GSAP: variants seen among roughly 807,000 people sequenced by gnomAD.
GSAP encodes the protein gamma-secretase activating protein.
In GSAP, 118 loss-of-function variants were observed where a neutral mutation model predicts 131.7. The observed-to-expected ratio is 0.90, with a 90% CI of 0.77 to 1.04. The LOEUF (loss-of-function observed/expected upper bound fraction) is 1.04, where lower values mean the gene tolerates loss of function less well. GSAP is among the 50% of genes least tolerant of loss of function. GSAP has a pLI of 0.00. For missense variants in GSAP, 1,019 were observed against 1,013.2 expected (o/e 1.01, Z -0.08); for synonymous variants, 381 against 363.4 (o/e 1.05, Z -0.55).
intron 8 of GSAP, 61 bp from the exon 9 acceptor site, chr7:77,377,451 T>G (rs552497015): frequency 6.9e-7 from 1 of 1,451,212 alleles, no homozygotes; most frequent in Non-Finnish European, 9.1e-7. Context: ...GGAGAACATA[T>G]CTGGAATTCA....
intron 2 of GSAP, among the ~76,000 whole-genome samples, chr7:77,405,363 A>T (rs1419546765): frequency 6.6e-6 from 1 of 152,248 alleles, no homozygotes; most frequent in Non-Finnish European, 1.5e-5. Context: ...GAGAGTAATC[A>T]TATTTAATAT....
chr7:77,346,389 A>G (rs1169793741), intron 19 of GSAP, among the ~76,000 whole-genome samples: 1 of 151,830 alleles, frequency 6.6e-6, no homozygotes, highest in African/African-American at 2.4e-5. Flanking sequence ...AAAAAACAGA[A>G]GAACAATTGA....
At chr7:77,382,443 C>A in intron 7 of GSAP, 131 bp downstream of exon 7, 1 of 577,074 alleles carries the variant, frequency 1.7e-6, no homozygotes, top group Admixed American at 2.6e-5. Context: ...TTCCAGGTCT[C>A]ATATGGACAT....
At chr7:77,414,550 A>G (rs1218987359) in intron 1 of GSAP, among the ~76,000 whole-genome samples, 1 of 152,216 alleles carries the variant, frequency 6.6e-6, no homozygotes, top group Non-Finnish European at 1.5e-5. Flanking sequence ...ACCTAGAGCT[A>G]TCTGTTGTTT....
At chr7:77,394,066 G>A (rs1204842845) in intron 5 of GSAP, among the ~76,000 whole-genome samples, 1 of 152,314 alleles carries the variant, frequency 6.6e-6, no homozygotes, top group South Asian at 2.1e-4. Context: ...CCATTAGACT[G>A]TAATAATTCT....
intron 24 of GSAP, among the ~76,000 whole-genome samples, chr7:77,323,335 T>TGTAG (rs1364717101): frequency 1.3e-5 from 2 of 152,240 alleles, no homozygotes; most frequent in African/African-American, 4.8e-5. Context: ...ATCATCTACA[T>TGTAG]GGAGCTGGAA....
Position 77,375,075 on chromosome 7 carries a change from T to TA in GSAP, c.767dup (p.Leu256PhefsTer7). Reference sequence around the variant, plus strand: ...TAACTTACTTAAATCCTGAGTTGCTTAATGATATGTCCAAGGGTACTTCAA... The same window carrying TA: ...TAACTTACTTAAATCCTGAGTTGCTTAAATGATATGTCCAAGGGTACTTCAA... On this transcript the variant is annotated frameshift_variant, in exon 11 of 31. Coordinates refer to ENST00000257626, the MANE Select transcript of GSAP (RefSeq NM_017439.4). LOFTEE classifies it high-confidence loss of function. 6.4e-7 allele frequency: 1 copy of TA among 1,552,426 alleles called. No homozygotes were observed. Among genetic ancestry groups the TA allele is most frequent in the East Asian group, 2.3e-5 (1 of 44,052 alleles).
chr7:77,335,660 C>G (rs1190566423), intron 19 of GSAP, among the ~76,000 whole-genome samples: 1 of 152,076 alleles, frequency 6.6e-6, no homozygotes, highest in East Asian at 1.9e-4. Context: ...CTCTGTGGTA[C>G]TGGCTCATCT....
At chr7:77,321,251 G>C in intron 25 of GSAP, 82 bp downstream of exon 25, 1 of 830,470 alleles carries the variant, frequency 1.2e-6, no homozygotes, top group Non-Finnish European at 2.1e-6. Flanking sequence ...ATTTGAACTA[G>C]TGCATTTCAA....
Position 77,314,429 on chromosome 7 carries a change from T to C in GSAP, c.2150A>G (p.His717Arg), listed in dbSNP as rs771993256. 3 of 1,613,832 alleles carry C rather than the reference T, an allele frequency of 1.9e-6. No individual in the cohort carries two copies. In the South Asian group the frequency reaches 3.3e-5, roughly 18 times the overall value. Residue 717 changes from histidine (H) to arginine (R), a missense_variant, in exon 27 of 31, where the codon CAT becomes CGT. Transcript: ENST00000257626. ...AAGCAACACTCCACTGTCAATGCAA[T>C]GCAGCAGGTTATGCAAAGGGAGACA... ...VQCLPLHNLL[H>R]CIDSGVLLLT...
intron 5 of GSAP, among the ~76,000 whole-genome samples, chr7:77,393,547 C>T (rs1799899842): frequency 6.6e-6 from 1 of 152,092 alleles, no homozygotes; most frequent in Non-Finnish European, 1.5e-5. Context: ...CACACATACA[C>T]ACCCACATGC....
chr7:77,372,348 G>T (rs1298216109), intron 12 of GSAP, among the ~76,000 whole-genome samples: 1 of 152,190 alleles, frequency 6.6e-6, no homozygotes, highest in Admixed American at 6.5e-5. Context: ...AATCTTGATG[G>T]AATCCTGACT....
chr7:77,377,461 ATAAT>A lies in GSAP; in HGVS notation c.577-75_577-72del, dbSNP rs1355068141. ...TTAAAGGAGAACATATCTGGAATTC[ATAAT>A]TATTTTCCATGTCTATCTTTATGAT... On this transcript the variant is annotated intron_variant, in intron 8 of 30. Transcript: ENST00000257626. 7 of 1,434,290 alleles carry A rather than the reference ATAAT, an allele frequency of 4.9e-6. No homozygotes were observed. The African/African-American group carries it at 8.6e-5, about 18-fold the overall frequency. The allele number at this position is 1,434,290 out of a possible 1,614,324, so 88.8% of individuals were successfully genotyped here. A position where few individuals can be genotyped will look rare whatever the true frequency, so the allele number is the denominator to read the frequency against.
intron 26 of GSAP, 87 bp downstream of exon 26, chr7:77,320,638 A>T: frequency 1.3e-6 from 1 of 798,680 alleles, no homozygotes; most frequent in Non-Finnish European, 2.1e-6. Context: ...AAGTCTCATC[A>T]TCAAACTTAT....
At chr7:77,404,746 C>T (rs1255692874) in intron 2 of GSAP, 131 bp from the exon 3 acceptor site, 3 of 637,210 alleles carry the variant, frequency 4.7e-6, no homozygotes, top group Non-Finnish European at 8.5e-6. Context: ...CTGTGCCTGT[C>T]AGAGGGGGAC....
chr7:77,342,846 C>T (rs1013399454), intron 19 of GSAP, among the ~76,000 whole-genome samples: 1 of 152,162 alleles, frequency 6.6e-6, no homozygotes, highest in South Asian at 2.1e-4. Flanking sequence ...GACTTATCAA[C>T]CAAATTGTTT....
intron 1 of GSAP, among the ~76,000 whole-genome samples, chr7:77,409,509 G>C (rs569887341): frequency 6.6e-6 from 1 of 152,202 alleles, no homozygotes; most frequent in South Asian, 2.1e-4. Context: ...CAGAACAATG[G>C]ACTGAGTGTT....
chr7:77,391,797 T>C (rs894902133), intron 5 of GSAP, among the ~76,000 whole-genome samples: 1 of 152,168 alleles, frequency 6.6e-6, no homozygotes, highest in Non-Finnish European at 1.5e-5. Flanking sequence ...AGAATGTCAG[T>C]GCACCCCAGC....
At chr7:77,313,068 T>C (rs1794586903) in intron 28 of GSAP, among the ~76,000 whole-genome samples, 1 of 152,342 alleles carries the variant, frequency 6.6e-6, no homozygotes, top group South Asian at 2.1e-4. Flanking sequence ...CCTAGGAATG[T>C]CTTCCTACCA....
Sources: allele counts gnomAD v4.1 joint callset (sites outside exome capture counted in the v4.1 genomes callset), GRCh38; gene constraint gnomAD v4.1.1; transcripts MANE v1.5; gene names NCBI Gene and HGNC (gene_info 2026-07-23, HGNC 2026-07-21).